Variants in TFAP2A observed in about 807,000 individuals in gnomAD.
The protein encoded by TFAP2A is transcription factor AP-2-alpha.
A neutral mutation model predicts 41.5 loss-of-function variants in TFAP2A; 7 were observed. That is an observed-to-expected ratio of 0.17 (90% CI 0.10 to 0.32). TFAP2A has a LOEUF of 0.32. Among genes scored for constraint, TFAP2A ranks in the 10% least tolerant of loss-of-function variants. The pLI is 1.00. For missense variants in TFAP2A, 416 were observed against 563.3 expected, an observed-to-expected ratio of 0.74 and a Z score of 2.65; for synonymous variants, 247 against 242.8, an observed-to-expected ratio of 1.02 and a Z score of -0.16.
At chr6:10,419,170 G>A (rs1438041352), upstream of TFAP2A, among the ~76,000 whole-genome samples, 1 of 152,154 alleles carries the variant, frequency 6.6e-6, no homozygotes, top group Non-Finnish European at 1.5e-5. Flanking sequence ...TGTGGAGCGT[G>A]CGCCGGACTT....
intron 2 of TFAP2A, chr6:10,409,662 A>G: frequency 3.6e-6 from 2 of 554,968 alleles, no homozygotes; most frequent in Non-Finnish European, 6.5e-6. Flanking sequence ...GTGTTGGTGG[A>G]AATGGTAATG....
At chr6:10,415,292 T>C (rs912686029), upstream of TFAP2A, 6 of 1,389,418 alleles carry the variant, frequency 4.3e-6, no homozygotes, top group African/African-American at 8.7e-5. Flanking sequence ...TCCAGCTCTT[T>C]ACCAACAGCC....
Position 10,398,811 on chromosome 6 carries a change from G to C in TFAP2A, c.1032-106C>G. 1 of 1,365,912 alleles carries C rather than the reference G, an allele frequency of 7.3e-7. No individual in the cohort carries two copies. The highest frequency in any genetic ancestry group is 2.0e-5 in the Admixed American group (1 of 49,780). 84.6% of individuals were successfully genotyped at this position (1,365,912 alleles called of 1,614,324 possible). ...CTGCAGCTACCTCTGCCGGGATCCA[G>C]CCGGTACCTGACATGACCCAAGACC... On this transcript the variant is annotated intron_variant, in intron 6 of 6. Coordinates refer to ENST00000379613, the MANE Select transcript of TFAP2A (RefSeq NM_001372066.1). This position sits in a 1 kb window ranked among gnomAD's most constrained non-coding sequence, Gnocchi z 5.3.
chr6:10,406,870 G>C, intron 2 of TFAP2A, 26 bp from the exon 3 acceptor site: 1 of 1,572,276 alleles, frequency 6.4e-7, no homozygotes, highest in South Asian at 1.1e-5. Flanking sequence ...ACACATGGAT[G>C]TAAGTGTATC....
At chr6:10,400,610 G>A in intron 5 of TFAP2A, 21 bp from the exon 6 acceptor site, 1 of 1,613,866 alleles carries the variant, frequency 6.2e-7, no homozygotes, top group South Asian at 1.1e-5. Context: ...GGGAGAGGAG[G>A]GAGCCAGTGC....
At chr6:10,417,946 C>G (rs1005445281), upstream of TFAP2A, among the ~76,000 whole-genome samples, 2 of 152,234 alleles carry the variant, frequency 1.3e-5, no homozygotes, top group Non-Finnish European at 1.5e-5. Flanking sequence ...CTTCTCACGG[C>G]CTAGGAATTC....
At chr6:10,416,610 T>C (rs1758254002), upstream of TFAP2A, among the ~76,000 whole-genome samples, 2 of 152,202 alleles carry the variant, frequency 1.3e-5, no homozygotes, top group South Asian at 2.1e-4. Context: ...TAAGGACCTT[T>C]GATTCATCTG....
At chr6:10,399,569 G>T (rs1025237023) in intron 6 of TFAP2A, among the ~76,000 whole-genome samples, 2 of 152,192 alleles carry the variant, frequency 1.3e-5, no homozygotes, top group African/African-American at 2.4e-5. Flanking sequence ...AGCCTGGCCT[G>T]GGGGGCTGGG....
At chr6:10,414,742 C>G in intron 1 of TFAP2A, 199 bp downstream of exon 1, 1 of 752,244 alleles carries the variant, frequency 1.3e-6, no homozygotes, top group Non-Finnish European at 2.2e-6. Context: ...AGTAGGGAAA[C>G]CAAAGAAGGG....
intron 5 of TFAP2A, chr6:10,400,846 C>T: frequency 1.5e-6 from 1 of 656,192 alleles, no homozygotes; most frequent in Non-Finnish European, 2.8e-6. Flanking sequence ...CCTCCAGTCC[C>T]ATCCCCCACC....
At chr6:10,402,109 A>G (rs1017933173) in intron 5 of TFAP2A, 5 of 365,166 alleles carry the variant, frequency 1.4e-5, no homozygotes, top group Non-Finnish European at 1.6e-5. Context: ...CAGGTCAAAG[A>G]TTCCCAAATT....
chr6:10,416,521 A>C (rs1249868405), upstream of TFAP2A: 2 of 152,156 alleles, frequency 1.3e-5, no homozygotes. Context: ...CCTCCAAAAG[A>C]AAGTTACCTC....
At chr6:10,415,149 A>G (rs1407310376), upstream of TFAP2A, 10 of 1,511,692 alleles carry the variant, frequency 6.6e-6, no homozygotes, top group Admixed American at 8.0e-5. Context: ...GGAGGAGGGC[A>G]AGGAGGAGGA....
intron 3 of TFAP2A, 122 bp from the exon 4 acceptor site, chr6:10,404,861 T>C: frequency 1.2e-6 from 1 of 829,064 alleles, no homozygotes; most frequent in South Asian, 1.7e-5. Flanking sequence ...TCCCCGCTTT[T>C]CCGTCCGGCT....
At chr6:10,419,345 C>T, upstream of TFAP2A, 1 of 1,565,454 alleles carries the variant, frequency 6.4e-7, no homozygotes, top group Non-Finnish European at 8.8e-7. Flanking sequence ...TTCCTCTCCT[C>T]CTCCCCGCTC....
chr6:10,397,775 G>A lies in TFAP2A; in HGVS notation c.*642C>T. On this transcript the variant is annotated 3_prime_UTR_variant, in exon 7 of 7. Coordinates refer to ENST00000379613, the MANE Select transcript of TFAP2A (RefSeq NM_001372066.1). ...ATTCCCTTATATAACTGCGAATCGTGTTGCCAGAGAAAGTTCAAGTTGGTC... is the reference window on the plus strand; with the variant it reads ...ATTCCCTTATATAACTGCGAATCGTATTGCCAGAGAAAGTTCAAGTTGGTC... 1.3e-6 allele frequency: 1 copy of A among 799,568 alleles called. No individual in the cohort carries two copies. Among genetic ancestry groups the A allele is most frequent in the Non-Finnish European group, 1.5e-6 (1 of 660,428 alleles). 49.5% of individuals were successfully genotyped at this position (799,568 alleles called of 1,614,324 possible).
chr6:10,400,076 T>C (rs1761951382), intron 6 of TFAP2A, among the ~76,000 whole-genome samples: 1 of 152,148 alleles, frequency 6.6e-6, no homozygotes, highest in Non-Finnish European at 1.5e-5. Flanking sequence ...AACATATTGA[T>C]AGGATACAAA....
intron 3 of TFAP2A, chr6:10,406,397 T>C: frequency 4.6e-6 from 1 of 216,432 alleles, no homozygotes; most frequent in South Asian, 7.8e-5. Context: ...GTGCTTCTTA[T>C]CATCTGTTCT....
chr6:10,410,103 T>TGCTGCG lies in TFAP2A; in HGVS notation c.278_283dup (p.Pro93_Gln94dup), dbSNP rs2113203914. The stretch of plus-strand genomic sequence containing the variant: ...CTGCCTCTGGCCGGGCCAGCCTGGG[T>TGCTGCG]GCTGCGGCTGCGGCTGGGCGTGCAG... On this transcript the variant is annotated inframe_insertion, in exon 2 of 7. Coordinates refer to ENST00000379613, the MANE Select transcript of TFAP2A (RefSeq NM_001372066.1). The TGCTGCG allele has an allele frequency of 3.7e-6, 6 of 1,612,260 alleles. No homozygotes were observed. Among genetic ancestry groups the TGCTGCG allele is most frequent in the Admixed American group, 1.7e-5 (1 of 59,956 alleles).
Sources: gnomAD v4.1 joint callset for allele counts (sites outside exome capture counted in the v4.1 genomes callset) on GRCh38, gnomAD v4.1.1 for gene constraint, Gnocchi (gnomAD v3.1) non-coding constraint, MANE v1.5 for transcripts, NCBI Gene and HGNC (gene_info 2026-07-23, HGNC 2026-07-21) for gene names.